Variants in PIP5K1B observed in about 807,000 individuals in gnomAD.
PIP5K1B encodes the protein phosphatidylinositol 4-phosphate 5-kinase type-1 beta.
In PIP5K1B, 42 loss-of-function variants were observed where a neutral mutation model predicts 67.0. That is an observed-to-expected ratio of 0.63 (90% CI 0.49 to 0.81). The LOEUF (loss-of-function observed/expected upper bound fraction) is 0.81, where lower values mean the gene tolerates loss of function less well. Among genes scored for constraint, PIP5K1B ranks in the 30% least tolerant of loss-of-function variants. The pLI is 0.00. For synonymous variants in PIP5K1B, 214 were observed against 231.4 expected (o/e 0.92, Z 0.68); for missense variants, 459 against 646.3 (o/e 0.71, Z 3.14).
chr9:68,766,385 T>A lies in PIP5K1B; in HGVS notation c.-86+23728T>A, dbSNP rs1015670667. 5.3e-5 allele frequency among the ~76,000 whole-genome samples: 8 copies of A among 152,306 alleles called. No individual in the cohort carries two copies. The East Asian group carries it at 1.3e-3, about 26-fold the overall frequency. ...GTCCAACAAAATGAACGTACAAAGA[T>A]CTTATATAATGTTCAATGCAGCACT... On this transcript the variant is annotated intron_variant, in intron 2 of 15. Transcript: ENST00000265382.
At position 68,884,975 on chromosome 9, in the gene PIP5K1B, C is replaced by T. The variant is rs557670949; in HGVS notation, c.319-4006C>T. ...ACCACTGGGTATCTATCCAAAGCAA[C>T]GGAAATCAGTATGGCGAAGAGATGT... On this transcript the variant is annotated intron_variant, in intron 6 of 15. Transcript: ENST00000265382. Among the ~76,000 whole-genome samples, 15 of 152,236 alleles carry T rather than the reference C, an allele frequency of 9.9e-5. No individual in the cohort carries two copies. The South Asian group carries it at 1.0e-3, about 11-fold the overall frequency.
At chr9:68,792,429 A>G (rs569351582) in intron 2 of PIP5K1B, among the ~76,000 whole-genome samples, 2 of 151,936 alleles carry the variant, frequency 1.3e-5, no homozygotes, top group East Asian at 1.9e-4. Flanking sequence ...ACAAGCATTT[A>G]TTCAGCATTT....
chr9:68,810,494 G>A (rs751503104), intron 2 of PIP5K1B, among the ~76,000 whole-genome samples: 4 of 152,174 alleles, frequency 2.6e-5, no homozygotes, highest in Admixed American at 6.5e-5. Context: ...AGATGAGTAA[G>A]GACTCGTGGC....
At chr9:68,806,148 T>C (rs1485697621) in intron 2 of PIP5K1B, among the ~76,000 whole-genome samples, 1 of 152,236 alleles carries the variant, frequency 6.6e-6, no homozygotes, top group Non-Finnish European at 1.5e-5. Flanking sequence ...CTAGTTCAAG[T>C]GTCCCTCCTT....
rs532015785 is a variant in PIP5K1B, at chr9:68,835,961, T to C, written c.69+13278T>C. 2.6e-5 allele frequency among the ~76,000 whole-genome samples: 4 copies of C among 152,266 alleles called. No homozygotes were observed. In the South Asian group the frequency reaches 8.3e-4, roughly 32 times the overall value. ...CTATATTGGGCTTCAAGAACCCTTTTTCCTCATCTGTCTCTGACTACACAT... is the reference window on the plus strand; with the variant it reads ...CTATATTGGGCTTCAAGAACCCTTTCTCCTCATCTGTCTCTGACTACACAT... On this transcript the variant is annotated intron_variant, in intron 4 of 15. Transcript: ENST00000265382.
intron 15 of PIP5K1B, among the ~76,000 whole-genome samples, chr9:68,999,221 A>G (rs1830714491): frequency 6.6e-6 from 1 of 152,192 alleles, no homozygotes; most frequent in Non-Finnish European, 1.5e-5. Context: ...CTAATCCAGT[A>G]TGACCTCATC....
At chr9:68,864,114 G>T (rs7035068) in intron 5 of PIP5K1B, 147 bp downstream of exon 5, 23,414 of 652,798 alleles carry the variant, frequency 0.036, 1,067 homozygotes, top group African/African-American at 0.15. Flanking sequence ...CAGTCCAAAT[G>T]ATGTTTACTT....
intron 7 of PIP5K1B, among the ~76,000 whole-genome samples, chr9:68,890,839 A>T (rs1169607331): frequency 6.6e-6 from 1 of 152,230 alleles, no homozygotes; most frequent in Non-Finnish European, 1.5e-5. Context: ...ATATTATTTG[A>T]TAACCTGCTT....
intron 14 of PIP5K1B, among the ~76,000 whole-genome samples, chr9:68,977,005 G>A (rs573649817): frequency 6.6e-6 from 1 of 152,254 alleles, no homozygotes; most frequent in South Asian, 2.1e-4. Context: ...TTTTCAATGT[G>A]TGCTGTCTAC....
chr9:68,854,961 T>C (rs1822693529), intron 4 of PIP5K1B, among the ~76,000 whole-genome samples: 2 of 152,222 alleles, frequency 1.3e-5, no homozygotes, highest in Non-Finnish European at 2.9e-5. Context: ...AAGTTAAGGA[T>C]CACTTCTAAA....
At chr9:68,883,679 T>A (rs1202631303) in intron 6 of PIP5K1B, among the ~76,000 whole-genome samples, 1 of 152,150 alleles carries the variant, frequency 6.6e-6, no homozygotes, top group Non-Finnish European at 1.5e-5. Context: ...GAACAAAAAT[T>A]GTGGGATTTT....
chr9:68,781,167 T>C (rs1399914166), intron 2 of PIP5K1B: 10 of 1,162,826 alleles, frequency 8.6e-6, no homozygotes, highest in Non-Finnish European at 1.2e-5. Flanking sequence ...GAAATGATGT[T>C]ATTCTAGAGA....
intron 12 of PIP5K1B, among the ~76,000 whole-genome samples, chr9:68,926,050 C>CT (rs2132559459): frequency 6.6e-6 from 1 of 152,088 alleles, no homozygotes; most frequent in East Asian, 1.9e-4. Flanking sequence ...CCACCTCAGC[C>CT]TCCCAAAGTG....
chr9:68,953,437 C>T (rs1828198459), intron 14 of PIP5K1B, among the ~76,000 whole-genome samples: 1 of 151,692 alleles, frequency 6.6e-6, no homozygotes, highest in Non-Finnish European at 1.5e-5. Context: ...TCTTTGTAGT[C>T]TACATGTTCT....
At chr9:68,754,948 G>A (rs1018878896) in intron 2 of PIP5K1B, among the ~76,000 whole-genome samples, 2 of 152,126 alleles carry the variant, frequency 1.3e-5, no homozygotes, top group African/African-American at 4.8e-5. Flanking sequence ...GTTGAACTCT[G>A]TGAAAATGGC....
chr9:68,928,097 C>T (rs963835302), intron 12 of PIP5K1B, among the ~76,000 whole-genome samples: 6 of 151,912 alleles, frequency 3.9e-5, no homozygotes, highest in South Asian at 2.1e-4. Context: ...AAAAGAAAGT[C>T]GATTGACCAC....
At position 68,705,240 on chromosome 9, in the gene PIP5K1B, C is replaced by A. The variant is rs937934226; in HGVS notation, c.-765C>A. Reference sequence around the variant, plus strand: ...CGCGGCAGCCGCCGCGCAGCCGGCTCTCTCTGCGCCTCGCTCCGACTCCGG... The same window carrying A: ...CGCGGCAGCCGCCGCGCAGCCGGCTATCTCTGCGCCTCGCTCCGACTCCGG... On this transcript the variant is annotated 5_prime_UTR_variant, in exon 1 of 16. Transcript: ENST00000265382. Among the ~76,000 whole-genome samples the A allele has an allele frequency of 6.6e-6, 1 of 151,928 alleles. No individual in the cohort carries two copies. The highest frequency in any genetic ancestry group is 1.5e-5 in the Non-Finnish European group (1 of 67,946).
chr9:68,781,036 A>T, intron 2 of PIP5K1B: 1 of 1,605,214 alleles, frequency 6.2e-7, no homozygotes, highest in Non-Finnish European at 8.5e-7. Context: ...TGATTCACTC[A>T]TCCTGAGACT....
At chr9:68,726,748 A>G (rs540103744) in intron 1 of PIP5K1B, among the ~76,000 whole-genome samples, 25 of 152,362 alleles carry the variant, frequency 1.6e-4, no homozygotes, top group Non-Finnish European at 2.9e-4. Context: ...TGGTTGTGCC[A>G]TCTTGCATTC....
Sources: gnomAD v4.1 joint callset for allele counts (sites outside exome capture counted in the v4.1 genomes callset) on GRCh38, gnomAD v4.1.1 for gene constraint, MANE v1.5 for transcripts, NCBI Gene and HGNC (gene_info 2026-07-23, HGNC 2026-07-21) for gene names.